ANKH: variants seen among roughly 807,000 people sequenced by gnomAD.
ANKH encodes ANKH inorganic pyrophosphate transport regulator, also known as mineralization regulator ANKH.
A neutral mutation model predicts 49.0 loss-of-function variants in ANKH; 15 were observed. The ratio of observed to expected loss-of-function variants is 0.31; its 90% CI spans 0.20 to 0.47. The LOEUF (loss-of-function observed/expected upper bound fraction) is 0.47. Among genes scored for constraint, ANKH ranks in the 20% least tolerant of loss-of-function variants. The pLI is 1.00. For missense variants in ANKH, 429 were observed against 652.0 expected (o/e 0.66, Z 3.72); for synonymous variants, 273 against 260.0 (o/e 1.05, Z -0.48).
chr5:14,731,818 G>A (rs370913394), intron 8 of ANKH, among the ~76,000 whole-genome samples: 3 of 152,342 alleles, frequency 2.0e-5, no homozygotes, highest in East Asian at 3.9e-4. Context: ...GAAAGTGATG[G>A]GCTGACGTGT....
chr5:14,853,302 G>A (rs543795834), intron 1 of ANKH, among the ~76,000 whole-genome samples: 1 of 152,196 alleles, frequency 6.6e-6, no homozygotes, highest in Non-Finnish European at 1.5e-5. Context: ...GTGGTCAGGT[G>A]TGGTGGCTCA....
intron 1 of ANKH, among the ~76,000 whole-genome samples, chr5:14,790,235 A>G (rs1740120663): frequency 6.6e-6 from 1 of 152,262 alleles, no homozygotes; most frequent in African/African-American, 2.4e-5. Flanking sequence ...ATAAAAGTAC[A>G]CTAAACAGAT....
intron 1 of ANKH, among the ~76,000 whole-genome samples, chr5:14,861,614 C>T (rs549441364): frequency 5.9e-5 from 9 of 152,264 alleles, no homozygotes; most frequent in African/African-American, 2.2e-4. Context: ...CAGCCACACA[C>T]GTACAGCCCC....
At chr5:14,721,695 C>T (rs1362551050) in intron 8 of ANKH, among the ~76,000 whole-genome samples, 3 of 151,932 alleles carry the variant, frequency 2.0e-5, no homozygotes, top group African/African-American at 7.3e-5. Context: ...CTTTGGGAGG[C>T]CAAGGTGGGA....
intron 8 of ANKH, among the ~76,000 whole-genome samples, chr5:14,728,877 C>T (rs1437548951): frequency 6.6e-6 from 1 of 152,122 alleles, no homozygotes. Flanking sequence ...GCAACCAAGA[C>T]GGTGGAGTCC....
chr5:14,716,100 CACCACCACAAT>C (rs568964879), intron 9 of ANKH, among the ~76,000 whole-genome samples: 157 of 152,260 alleles, frequency 1.0e-3, no homozygotes, highest in African/African-American at 3.5e-3. Flanking sequence ...TTTGTGTTCC[CACCACCACAAT>C]CAAGACAGAG....
rs1020951594 is a variant in ANKH, at chr5:14,853,214, C to G, written c.96+18138G>C. On this transcript the variant is annotated intron_variant, in intron 1 of 11. Transcript: ENST00000284268. Reference sequence around the variant, plus strand: ...AATCATACGCTTTTCCCAATTACTACTATTTTAAGAGTATAGTTGTCTACT... The same window carrying G: ...AATCATACGCTTTTCCCAATTACTAGTATTTTAAGAGTATAGTTGTCTACT... Among the ~76,000 whole-genome samples the G allele has an allele frequency of 2.0e-5, 3 of 152,300 alleles. No individual in the cohort carries two copies. The South Asian group carries it at 6.2e-4, about 32-fold the overall frequency.
intron 1 of ANKH, among the ~76,000 whole-genome samples, chr5:14,810,731 C>T (rs925057585): frequency 3.9e-5 from 6 of 152,146 alleles, no homozygotes; most frequent in Admixed American, 1.3e-4. Flanking sequence ...GAAGCCACTA[C>T]TCATCTTGCT....
chr5:14,778,831 G>C (rs980915882), intron 1 of ANKH, among the ~76,000 whole-genome samples: 1 of 152,074 alleles, frequency 6.6e-6, no homozygotes, highest in Non-Finnish European at 1.5e-5. Flanking sequence ...ATTCTACTTG[G>C]GCTTTGAGAG....
intron 4 of ANKH, 133 bp from the exon 5 acceptor site, chr5:14,751,372 A>G (rs1344279639): frequency 1.2e-6 from 1 of 864,066 alleles, no homozygotes; most frequent in Non-Finnish European, 1.9e-6. Context: ...ACAGAACCAA[A>G]AATTGGATGA....
intron 8 of ANKH, among the ~76,000 whole-genome samples, chr5:14,731,318 A>G (rs887638270): frequency 6.6e-6 from 1 of 152,236 alleles, no homozygotes; most frequent in Non-Finnish European, 1.5e-5. Flanking sequence ...CAATGTGTCC[A>G]TAAGAACGTA....
At chr5:14,736,294 G>A (rs975193627) in intron 8 of ANKH, among the ~76,000 whole-genome samples, 9 of 152,116 alleles carry the variant, frequency 5.9e-5, no homozygotes, top group East Asian at 3.9e-4. Context: ...TGACCTCTGC[G>A]TCATCAGAAT....
At chr5:14,817,763 C>T (rs1303442250) in intron 1 of ANKH, among the ~76,000 whole-genome samples, 2 of 152,146 alleles carry the variant, frequency 1.3e-5, no homozygotes, top group African/African-American at 4.8e-5. Context: ...GTGTCAACCC[C>T]CTCTTTCACT....
chr5:14,748,624 T>A (rs1580031798), intron 6 of ANKH, among the ~76,000 whole-genome samples: 3 of 152,340 alleles, frequency 2.0e-5, no homozygotes, highest in Middle Eastern at 3.4e-3. Flanking sequence ...GCTCCCCATC[T>A]GAGGTGGGCA....
intron 6 of ANKH, among the ~76,000 whole-genome samples, chr5:14,748,191 G>C (rs1411864083): frequency 2.6e-5 from 4 of 152,192 alleles, no homozygotes; most frequent in Admixed American, 2.6e-4. Context: ...AACAAAACCT[G>C]TGTGTTACAG....
At chr5:14,759,800 G>A (rs1739016432) in intron 2 of ANKH, among the ~76,000 whole-genome samples, 1 of 139,242 alleles carries the variant, frequency 7.2e-6, no homozygotes, top group South Asian at 2.5e-4. Context: ...GGAGGGGAGG[G>A]GAGGGAAGGG....
chr5:14,759,087 G>C (rs1738991969), intron 2 of ANKH, among the ~76,000 whole-genome samples: 1 of 152,194 alleles, frequency 6.6e-6, no homozygotes, highest in Non-Finnish European at 1.5e-5. Flanking sequence ...TATGTACTAA[G>C]AGAAAATTTC....
intron 1 of ANKH, among the ~76,000 whole-genome samples, chr5:14,814,489 C>G (rs992827902): frequency 1.3e-5 from 2 of 151,890 alleles, no homozygotes; most frequent in African/African-American, 4.8e-5. Flanking sequence ...ATCTGTGGTC[C>G]CAGCTACTCA....
At chr5:14,849,492 G>A (rs895423082) in intron 1 of ANKH, among the ~76,000 whole-genome samples, 1 of 152,132 alleles carries the variant, frequency 6.6e-6, no homozygotes. Flanking sequence ...GGGAAGGTGA[G>A]CTCAACAGAC....
Sources: allele counts gnomAD v4.1 joint callset (sites outside exome capture counted in the v4.1 genomes callset), GRCh38; gene constraint gnomAD v4.1.1; transcripts MANE v1.5; gene names NCBI Gene and HGNC (gene_info 2026-07-23, HGNC 2026-07-21).